Variants in UHRF2 observed in about 807,000 individuals in gnomAD.
The protein encoded by UHRF2 is ubiquitin like with PHD and ring finger domains 2, also known as E3 ubiquitin-protein ligase UHRF2.
A neutral mutation model predicts 96.8 loss-of-function variants in UHRF2; 23 were observed. The ratio of observed to expected loss-of-function variants is 0.24; its 90% CI spans 0.17 to 0.34. The LOEUF is 0.34. Ranked by LOEUF, UHRF2 falls within the 10% of genes least tolerant of loss-of-function variation. The pLI is 1.00. For missense variants in UHRF2, 685 were observed against 981.5 expected, an observed-to-expected ratio of 0.70 and a Z score of 4.04; for synonymous variants, 385 against 332.6, an observed-to-expected ratio of 1.16 and a Z score of -1.72.
intron 3 of UHRF2, among the ~76,000 whole-genome samples, chr9:6,460,278 A>C (rs1437908634): frequency 6.6e-6 from 1 of 152,198 alleles, no homozygotes. Flanking sequence ...TGGTTCTTGA[A>C]TGCGGGCTGA....
At chr9:6,455,323 G>C (rs1022072726) in intron 3 of UHRF2, among the ~76,000 whole-genome samples, 1 of 152,052 alleles carries the variant, frequency 6.6e-6, no homozygotes, top group Non-Finnish European at 1.5e-5. Flanking sequence ...GGTGTGCGAT[G>C]TTCCCCTTCC....
intron 3 of UHRF2, among the ~76,000 whole-genome samples, chr9:6,458,712 G>A (rs1172619432): frequency 6.6e-6 from 1 of 152,104 alleles, no homozygotes; most frequent in East Asian, 1.9e-4. Context: ...TCCCATTACT[G>A]GGTGGTGTAT....
intron 4 of UHRF2, among the ~76,000 whole-genome samples, chr9:6,467,590 GA>G (rs1822949160): frequency 7.6e-6 from 1 of 131,284 alleles, no homozygotes; most frequent in Admixed American, 7.8e-5. Context: ...GATTCCGAGA[GA>G]ATAGTTTTTT....
At chr9:6,488,540 C>CTTTTTTTTTT (rs58280407) in intron 9 of UHRF2, among the ~76,000 whole-genome samples, 157 of 83,808 alleles carry the variant, frequency 1.9e-3, no homozygotes, top group South Asian at 3.3e-3. Context: ...TTTTTCTTTT[C>CTTTTTTTTTT]TTTTTTTTTT....
chr9:6,490,802 G>A lies in UHRF2; in HGVS notation c.1498-3024G>A, dbSNP rs117300237. On this transcript the variant is annotated intron_variant, in intron 9 of 15. Coordinates refer to ENST00000276893, the MANE Select transcript of UHRF2 (RefSeq NM_152896.3). ...ATGTGAAGAAAAATTTTAGGACTAA[G>A]ATGACATATAGGCCTTGATTGACAG... Among the ~76,000 whole-genome samples the A allele has an allele frequency of 1.1e-4, 17 of 152,306 alleles. No homozygotes were observed. In the East Asian group the frequency reaches 3.3e-3, roughly 29 times the overall value.
chr9:6,506,319 T>C lies in UHRF2; in HGVS notation c.*140T>C. The C allele has an allele frequency of 1.8e-6, 2 of 1,122,260 alleles. No individual in the cohort carries two copies. Among genetic ancestry groups the C allele is most frequent in the East Asian group, 2.5e-5 (1 of 39,566 alleles). 69.5% of individuals were successfully genotyped at this position (1,122,260 alleles called of 1,614,324 possible). A position where few individuals can be genotyped will look rare whatever the true frequency, so the allele number is the denominator to read the frequency against. The stretch of plus-strand genomic sequence containing the variant: ...AATCCTCTTTCCCACATAGCCATCA[T>C]CTTGTGTGTGTAGTAAGAGGCCCAT... On this transcript the variant is annotated 3_prime_UTR_variant, in exon 16 of 16. Coordinates refer to ENST00000276893, the MANE Select transcript of UHRF2 (RefSeq NM_152896.3).
chr9:6,506,228 GA>G lies in UHRF2; in HGVS notation c.*51del. The G allele has an allele frequency of 6.2e-7, 1 of 1,603,850 alleles. No homozygotes were observed. The highest frequency in any genetic ancestry group is 1.1e-5 in the South Asian group (1 of 89,616). On this transcript the variant is annotated 3_prime_UTR_variant, in exon 16 of 16. Coordinates refer to ENST00000276893, the MANE Select transcript of UHRF2 (RefSeq NM_152896.3). Reference sequence around the variant, plus strand: ...TCATGGTGGCTTTTTGGACAATAAAGAATCTAAAATGGGTGGGGAGGGTGGA... The same window carrying G: ...TCATGGTGGCTTTTTGGACAATAAAGATCTAAAATGGGTGGGGAGGGTGGA...
At chr9:6,490,509 T>C (rs1824595537) in intron 9 of UHRF2, among the ~76,000 whole-genome samples, 1 of 152,098 alleles carries the variant, frequency 6.6e-6, no homozygotes, top group African/African-American at 2.4e-5. Flanking sequence ...ATGCCTGTAA[T>C]CCCAGCTACT....
Position 6,507,001 on chromosome 9 carries a change from T to C in UHRF2, c.*822T>C, listed in dbSNP as rs765776780. The C allele has an allele frequency of 1.3e-5, 2 of 152,526 alleles. No individual in the cohort carries two copies. The highest frequency in any genetic ancestry group is 2.9e-5 in the Non-Finnish European group (2 of 68,038). The allele number at this position is 152,526 out of a possible 1,614,324, so 9.4% of individuals were successfully genotyped here. A position where few individuals can be genotyped will look rare whatever the true frequency, so the allele number is the denominator to read the frequency against. ...CTTCATATTGTGATCCTAAATTTTA[T>C]ATTCACTATATTCCCTAAAGTATAC... is the stretch of plus-strand genomic sequence containing the variant. On this transcript the variant is annotated 3_prime_UTR_variant, in exon 16 of 16. Transcript: ENST00000276893.
rs1390087003 is a variant in UHRF2 at position 6,493,820 on chromosome 9, T to C, written c.1498-6T>C. On this transcript the variant is annotated splice_polypyrimidine_tract_variant and splice_region_variant and intron_variant, in intron 9 of 15. Transcript: ENST00000276893. ...CTTTCTTAATAAAGAAAATCTTCTC[T>C]GACAGGACCGAGGTGATGAGTTCAC... 1.9e-6 allele frequency: 3 copies of C among 1,605,974 alleles called. No individual in the cohort carries two copies. Among genetic ancestry groups the C allele is most frequent in the African/African-American group, 1.3e-5 (1 of 74,674 alleles).
chr9:6,430,548 T>C (rs1179500109), intron 2 of UHRF2, among the ~76,000 whole-genome samples: 1 of 152,158 alleles, frequency 6.6e-6, no homozygotes, highest in African/African-American at 2.4e-5. Flanking sequence ...AGCTGATCAG[T>C]GAGCCTGCCT....
intron 3 of UHRF2, among the ~76,000 whole-genome samples, chr9:6,443,311 A>G (rs1821290543): frequency 6.6e-6 from 1 of 152,190 alleles, no homozygotes; most frequent in Admixed American, 6.5e-5. Context: ...TACCTGGATT[A>G]TCTCATGTAA....
At chr9:6,429,530 C>G (rs1000860476) in intron 2 of UHRF2, among the ~76,000 whole-genome samples, 1 of 152,088 alleles carries the variant, frequency 6.6e-6, no homozygotes, top group African/African-American at 2.4e-5. Context: ...GGGTTTTAGC[C>G]ATGTTGGCCA....
chr9:6,421,244 A>G, intron 2 of UHRF2, 102 bp downstream of exon 2: 1 of 880,326 alleles, frequency 1.1e-6, no homozygotes, highest in South Asian at 1.8e-5. Flanking sequence ...ATTTGAAAGT[A>G]AAGATTGGGA....
Position 6,413,479 on chromosome 9 carries a change from C to T in UHRF2, c.-12C>T, listed in dbSNP as rs771836526. The T allele has an allele frequency of 4.6e-6, 7 of 1,536,930 alleles. No homozygotes were observed. The highest frequency in any genetic ancestry group is 2.7e-5 in the East Asian group (1 of 37,530). ...GGAGACAAAGGGGACCGGTTCCTCT[C>T]TAGGCGCCAAGATGTGGATACAGGT... On this transcript the variant is annotated 5_prime_UTR_variant, in exon 1 of 16. Coordinates refer to ENST00000276893, the MANE Select transcript of UHRF2 (RefSeq NM_152896.3).
intron 9 of UHRF2, among the ~76,000 whole-genome samples, chr9:6,490,704 G>C (rs1461648982): frequency 6.6e-6 from 1 of 152,112 alleles, no homozygotes; most frequent in African/African-American, 2.4e-5. Context: ...TATACTTACT[G>C]GTCAAACGTT....
chr9:6,427,578 G>C (rs1307756127), intron 2 of UHRF2, among the ~76,000 whole-genome samples: 2 of 152,106 alleles, frequency 1.3e-5, no homozygotes, highest in Non-Finnish European at 2.9e-5. Context: ...CCAGCTACTT[G>C]GGAGGCTGAG....
chr9:6,457,748 G>C (rs534692901), intron 3 of UHRF2, among the ~76,000 whole-genome samples: 10 of 152,120 alleles, frequency 6.6e-5, no homozygotes, highest in African/African-American at 2.4e-4. Flanking sequence ...CCTTTTCTGC[G>C]TCTGTTAAGA....
At chr9:6,432,090 T>C (rs1172939930) in intron 2 of UHRF2, among the ~76,000 whole-genome samples, 1 of 152,246 alleles carries the variant, frequency 6.6e-6, no homozygotes, top group Non-Finnish European at 1.5e-5. Context: ...GAAATGAGCC[T>C]ATGTTTATTT....
Sources: allele counts gnomAD v4.1 joint callset (sites outside exome capture counted in the v4.1 genomes callset), GRCh38; gene constraint gnomAD v4.1.1; transcripts MANE v1.5; gene names NCBI Gene and HGNC (gene_info 2026-07-23, HGNC 2026-07-21).